Variants in TRPM3 observed in about 807,000 individuals in gnomAD.
The protein encoded by TRPM3 is long transient receptor potential channel 3.
TRPM3 carries 77 observed loss-of-function variants against 181.2 expected under a neutral mutation model. The observed-to-expected ratio is 0.42, with a 90% CI of 0.35 to 0.51. The LOEUF (loss-of-function observed/expected upper bound fraction) is 0.51, where lower values mean the gene tolerates loss of function less well. Among genes scored for constraint, TRPM3 ranks in the 20% least tolerant of loss-of-function variants. The probability of loss-of-function intolerance (pLI) is 0.01; values close to 1 mark genes in which losing one functional copy is unlikely to be tolerated. For missense variants in TRPM3, 1,759 were observed against 2,196.7 expected, an observed-to-expected ratio of 0.80 and a Z score of 3.98; for synonymous variants, 745 against 796.4, an observed-to-expected ratio of 0.94 and a Z score of 1.09.
intron 1 of TRPM3, among the ~76,000 whole-genome samples, chr9:71,243,911 T>C (rs2081877216): frequency 8.0e-6 from 1 of 124,274 alleles, no homozygotes; most frequent in African/African-American, 2.7e-5. Flanking sequence ...TAGAAACATA[T>C]AAGATCATGT....
At chr9:70,793,238 G>A (rs2085977570) in intron 6 of TRPM3, among the ~76,000 whole-genome samples, 1 of 152,114 alleles carries the variant, frequency 6.6e-6, no homozygotes, top group Admixed American at 6.5e-5. Flanking sequence ...AGGATCATTT[G>A]AGCCCAGGAA....
At chr9:70,756,394 G>A (rs1209432455) in intron 8 of TRPM3, among the ~76,000 whole-genome samples, 2 of 152,070 alleles carry the variant, frequency 1.3e-5, no homozygotes, top group African/African-American at 2.4e-5. Flanking sequence ...ATAATAGTGG[G>A]AGATTTTAAC....
chr9:71,353,794 T>C (rs1439540931), intron 1 of TRPM3, among the ~76,000 whole-genome samples: 1 of 152,180 alleles, frequency 6.6e-6, no homozygotes, highest in Non-Finnish European at 1.5e-5. Context: ...GGCTGCATAT[T>C]CTTCATGAAT....
intron 9 of TRPM3, among the ~76,000 whole-genome samples, chr9:70,642,114 C>A (rs2058146083): frequency 6.6e-6 from 1 of 152,176 alleles, no homozygotes; most frequent in Admixed American, 6.5e-5. Flanking sequence ...AAAGAGACAA[C>A]CTTCCTCAGC....
At chr9:71,402,614 A>G (rs1219792821) in intron 1 of TRPM3, among the ~76,000 whole-genome samples, 2 of 152,206 alleles carry the variant, frequency 1.3e-5, no homozygotes, top group Non-Finnish European at 2.9e-5. Flanking sequence ...TAACTGAGTG[A>G]TCCTATTTCT....
At chr9:70,592,691 T>TA (rs1476095927) in intron 21 of TRPM3, among the ~76,000 whole-genome samples, 1 of 152,206 alleles carries the variant, frequency 6.6e-6, no homozygotes, top group Non-Finnish European at 1.5e-5. Flanking sequence ...TTATCAATGA[T>TA]AATGGAGGCT....
chr9:70,553,902 G>A (rs189796106), intron 22 of TRPM3, among the ~76,000 whole-genome samples: 6 of 152,260 alleles, frequency 3.9e-5, no homozygotes, highest in South Asian at 2.1e-4. Flanking sequence ...GTTGCTCTCT[G>A]CTCCTGATGG....
chr9:70,894,761 C>T (rs17472220), intron 1 of TRPM3, among the ~76,000 whole-genome samples: 12,364 of 152,128 alleles, frequency 0.081, 550 homozygotes, highest in African/African-American at 0.1. Flanking sequence ...CAGTTTGCTA[C>T]GTAAAGTTTA....
intron 1 of TRPM3, among the ~76,000 whole-genome samples, chr9:71,369,450 T>C (rs2092441608): frequency 1.3e-5 from 2 of 152,170 alleles, no homozygotes; most frequent in Admixed American, 6.5e-5. Context: ...AATAAACCTA[T>C]ATCTAGGTGT....
chr9:70,620,985 C>T (rs574724936), intron 15 of TRPM3, among the ~76,000 whole-genome samples: 5 of 147,840 alleles, frequency 3.4e-5, no homozygotes, highest in African/African-American at 1.2e-4. Flanking sequence ...TTCAAAGGTG[C>T]TGTGAGCAAC....
intron 1 of TRPM3, among the ~76,000 whole-genome samples, chr9:70,903,113 A>G (rs2096409422): frequency 6.6e-6 from 1 of 152,242 alleles, no homozygotes; most frequent in African/African-American, 2.4e-5. Context: ...CAAATCCAGC[A>G]CAAAAGAAAG....
intron 1 of TRPM3, among the ~76,000 whole-genome samples, chr9:71,120,439 C>A (rs1368744232): frequency 6.6e-6 from 1 of 152,130 alleles, no homozygotes; most frequent in Non-Finnish European, 1.5e-5. Flanking sequence ...TTTTCAGTAT[C>A]TTTAATGCAT....
At chr9:70,792,934 AAT>A (rs553833710) in intron 6 of TRPM3, among the ~76,000 whole-genome samples, 2 of 152,034 alleles carry the variant, frequency 1.3e-5, no homozygotes, top group Non-Finnish European at 2.9e-5. Context: ...AATACAACTG[AAT>A]ATATATATAT....
chr9:71,379,118 T>C (rs537028167), intron 1 of TRPM3, among the ~76,000 whole-genome samples: 2 of 152,054 alleles, frequency 1.3e-5, no homozygotes, highest in Non-Finnish European at 2.9e-5. Flanking sequence ...TTGTACAATA[T>C]TTAAATAATC....
chr9:71,234,002 C>T (rs1424501920), intron 1 of TRPM3, among the ~76,000 whole-genome samples: 1 of 152,154 alleles, frequency 6.6e-6, no homozygotes, highest in African/African-American at 2.4e-5. Context: ...TAACAATATA[C>T]ATTTATTATT....
intron 1 of TRPM3, among the ~76,000 whole-genome samples, chr9:71,321,740 G>T (rs889644362): frequency 1.3e-5 from 2 of 152,178 alleles, no homozygotes; most frequent in Admixed American, 6.6e-5. Context: ...CTAAGCTGGG[G>T]CTAGCATCTG....
rs148418340 is a variant in TRPM3, at chr9:71,005,477, A to G, written c.177+115701T>C. Among the ~76,000 whole-genome samples the G allele has an allele frequency of 3.4e-3, 512 of 152,300 alleles. 2 individuals carry two copies. Among genetic ancestry groups the G allele is most frequent in the Middle Eastern group, 0.01 (3 of 294 alleles). Reference sequence around the variant, plus strand: ...CCCAAATAGGAATTTTCCGAAGCACATCACCATCAAATTAGCAAAAATCGA... The same window carrying G: ...CCCAAATAGGAATTTTCCGAAGCACGTCACCATCAAATTAGCAAAAATCGA... On this transcript the variant is annotated intron_variant, in intron 1 of 25. Coordinates refer to ENST00000677713, the MANE Select transcript of TRPM3 (RefSeq NM_001366145.2).
chr9:71,125,009 T>C (rs2073945042), upstream of TRPM3, among the ~76,000 whole-genome samples: 1 of 152,176 alleles, frequency 6.6e-6, no homozygotes, highest in African/African-American at 2.4e-5. Context: ...CTCTAATATA[T>C]GGATGTAGTG....
At chr9:71,171,102 C>T (rs1325857596) in intron 1 of TRPM3, among the ~76,000 whole-genome samples, 3 of 152,144 alleles carry the variant, frequency 2.0e-5, no homozygotes, top group East Asian at 1.9e-4. Context: ...TCCCATAGCG[C>T]TCCCAGGCTT....
Sources: allele counts gnomAD v4.1 joint callset (sites outside exome capture counted in the v4.1 genomes callset), GRCh38; gene constraint gnomAD v4.1.1; transcripts MANE v1.5; gene names NCBI Gene and HGNC (gene_info 2026-07-23, HGNC 2026-07-21).